The following OR52A1 variants were observed in gnomAD, a reference collection of about 807,000 sequenced individuals.
The protein encoded by OR52A1 is olfactory receptor 52A1.
OR52A1 carries 14 observed loss-of-function variants against 14.3 expected under a neutral mutation model. That is an observed-to-expected ratio of 0.98 (90% CI 0.65 to 1.54). The LOEUF (loss-of-function observed/expected upper bound fraction) is 1.54. OR52A1 is among the 40% of genes most tolerant of loss of function. The probability of loss-of-function intolerance (pLI) is 0.00; values close to 1 mark genes in which losing one functional copy is unlikely to be tolerated. For synonymous variants in OR52A1, 151 were observed against 135.3 expected, an observed-to-expected ratio of 1.12 and a Z score of -0.80; for missense variants, 405 against 381.3, an observed-to-expected ratio of 1.06 and a Z score of -0.52.
In OR52A1 at chr11:5,151,477, T is replaced by C; in HGVS notation, c.893A>G (p.Lys298Arg). ...PFLNPLVYGA[K>R]TTQIRIHVVK... is the part of the protein sequence containing the mutation. ...CACATGAATGCGAATCTGTGTGGTC[T>C]TTGCACCATAGACAAGTGGATTGAG... Residue 298 changes from lysine (K) to arginine (R), a missense_variant, in exon 2 of 2, where the codon AAG (lysine) becomes AGG (arginine). Physicochemically the swap from Lys to Arg is conservative, Grantham distance 26 (BLOSUM62 2). Coordinates refer to ENST00000380367, the MANE Select transcript of OR52A1 (RefSeq NM_012375.3). The C allele has an allele frequency of 6.2e-7, 1 of 1,613,938 alleles. No homozygotes were observed. The highest frequency in any genetic ancestry group is 1.7e-5 in the Admixed American group (1 of 60,016).
At position 5,153,016 on chromosome 11, in the gene OR52A1, G is replaced by A. The variant is rs912955371; in HGVS notation, c.-321-326C>T. Among the ~76,000 whole-genome samples the A allele has an allele frequency of 1.1e-4, 16 of 152,026 alleles. 1 individual carries two copies. Among genetic ancestry groups the A allele is most frequent in the African/African-American group, 3.9e-4 (16 of 41,394 alleles). On this transcript the variant is annotated intron_variant, in intron 1 of 1. Coordinates refer to ENST00000380367, the MANE Select transcript of OR52A1 (RefSeq NM_012375.3). Reference sequence around the variant, plus strand: ...TTGACAAATCTGAGCCAAAGCTCCTGGTTGCTTTTTATATTTCTTTAAAGT... The same window carrying A: ...TTGACAAATCTGAGCCAAAGCTCCTAGTTGCTTTTTATATTTCTTTAAAGT...
Position 5,151,789 on chromosome 11 carries a change from T to A in OR52A1, c.581A>T (p.Asn194Ile). The change falls in exon 2 of 2, where the codon AAT (asparagine) becomes ATT (isoleucine). Residue 194 changes from asparagine (N) to isoleucine (I), a missense_variant. By Grantham distance (149) the Asn-to-Ile change is moderately radical. Coordinates refer to ENST00000380367, the MANE Select transcript of OR52A1 (RefSeq NM_012375.3). ...HMAIVKLAAANVQVNKIYGLF... is the reference protein window; with the variant it reads ...HMAIVKLAAAIVQVNKIYGLF... ...ACCATAGATTTTGTTGACTTGAACATTTGCTGCTGCTAGTTTCACAATGGC... is the reference window on the plus strand; with the variant it reads ...ACCATAGATTTTGTTGACTTGAACAATTGCTGCTGCTAGTTTCACAATGGC... 6.2e-7 allele frequency: 1 copy of A among 1,614,156 alleles called. No individual in the cohort carries two copies. Among genetic ancestry groups the A allele is most frequent in the Non-Finnish European group, 8.5e-7 (1 of 1,180,010 alleles).
rs1846528676 is a variant in OR52A1 at position 5,150,528 on chromosome 11, TA to T, written c.*902del. 6.6e-6 allele frequency: 1 copy of T among 152,094 alleles called. No homozygotes were observed. 9.4% of individuals were successfully genotyped at this position (152,094 alleles called of 1,614,324 possible). On this transcript the variant is annotated 3_prime_UTR_variant, in exon 2 of 2. Transcript: ENST00000380367. ...TCCATCATTCCTCAAGAATCAGAGGTAACTACCTAACCAAAAAACAAAATAC... is the reference window on the plus strand; with the variant it reads ...TCCATCATTCCTCAAGAATCAGAGGTACTACCTAACCAAAAAACAAAATAC...
rs1012098399 is a variant in OR52A1, at chr11:5,147,110, C to T, written c.*4321G>A. 2.0e-5 allele frequency: 3 copies of T among 152,216 alleles called. No individual in the cohort carries two copies. Among genetic ancestry groups the T allele is most frequent in the African/African-American group, 7.2e-5 (3 of 41,456 alleles). 9.4% of individuals were successfully genotyped at this position (152,216 alleles called of 1,614,324 possible). On this transcript the variant is annotated 3_prime_UTR_variant, in exon 2 of 2. Transcript: ENST00000380367. ...AAGGAGAATTGATATCTTTACAACACTGAGATCAGCACATCAATGGTTGAA... is the reference window on the plus strand; with the variant it reads ...AAGGAGAATTGATATCTTTACAACATTGAGATCAGCACATCAATGGTTGAA...
Position 5,148,062 on chromosome 11 carries a change from A to G in OR52A1, c.*3369T>C, listed in dbSNP as rs993710188. The stretch of plus-strand genomic sequence containing the variant: ...GAGGGTAATATTGATGTATTCTCAC[A>G]TTGAAATGGAGACCGCTTAGGAATA... On this transcript the variant is annotated 3_prime_UTR_variant, in exon 2 of 2. Coordinates refer to ENST00000380367, the MANE Select transcript of OR52A1 (RefSeq NM_012375.3). 6.6e-6 allele frequency: 1 copy of G among 152,172 alleles called. No homozygotes were observed. Among genetic ancestry groups the G allele is most frequent in the Non-Finnish European group, 1.5e-5 (1 of 68,032 alleles). The allele number at this position is 152,172 out of a possible 1,614,324, so 9.4% of individuals were successfully genotyped here.
rs930681550 is a variant in OR52A1 at position 5,147,450 on chromosome 11, A to T, written c.*3981T>A. 2.6e-5 allele frequency: 4 copies of T among 152,178 alleles called. No individual in the cohort carries two copies. Among genetic ancestry groups the T allele is most frequent in the African/African-American group, 9.7e-5 (4 of 41,432 alleles). The allele number at this position is 152,178 out of a possible 1,614,324, so 9.4% of individuals were successfully genotyped here. ...GTTGAAGGCCTGGATAGAACAAAAG[A>T]CTGACTTGCCCCAATCAAGAGAGAA... On this transcript the variant is annotated 3_prime_UTR_variant, in exon 2 of 2. Coordinates refer to ENST00000380367, the MANE Select transcript of OR52A1 (RefSeq NM_012375.3).
In OR52A1 at chr11:5,151,277, C is replaced by A; in HGVS notation, c.*154G>T. On this transcript the variant is annotated 3_prime_UTR_variant, in exon 2 of 2. Coordinates refer to ENST00000380367, the MANE Select transcript of OR52A1 (RefSeq NM_012375.3). Reference sequence around the variant, plus strand: ...CATTAGTCACGTAGAATTCACAATCCCACTGATTGATATGAGCCATGATGA... The same window carrying A: ...CATTAGTCACGTAGAATTCACAATCACACTGATTGATATGAGCCATGATGA... 3.1e-6 allele frequency: 2 copies of A among 635,536 alleles called. No homozygotes were observed. Among genetic ancestry groups the A allele is most frequent in the Admixed American group, 2.8e-5 (1 of 36,138 alleles). 39.4% of individuals were successfully genotyped at this position (635,536 alleles called of 1,614,324 possible). A position where few individuals can be genotyped will look rare whatever the true frequency, so the allele number is the denominator to read the frequency against.
chr11:5,151,175 C>A lies in OR52A1; in HGVS notation c.*256G>T, dbSNP rs1052461770. 4 of 295,312 alleles carry A rather than the reference C, an allele frequency of 1.4e-5. No homozygotes were observed. The highest frequency in any genetic ancestry group is 6.6e-5 in the African/African-American group (3 of 45,626). 18.3% of individuals were successfully genotyped at this position (295,312 alleles called of 1,614,324 possible). On this transcript the variant is annotated 3_prime_UTR_variant, in exon 2 of 2. Coordinates refer to ENST00000380367, the MANE Select transcript of OR52A1 (RefSeq NM_012375.3). ...TGGAGAAATATTCTTAGAAGAATAA[C>A]TCAACCAGGGGCTAAAGAATAAAAG...
rs1268432975 is a variant in OR52A1 at position 5,147,757 on chromosome 11, T to G, written c.*3674A>C. 6.6e-6 allele frequency: 1 copy of G among 152,120 alleles called. No individual in the cohort carries two copies. Among genetic ancestry groups the G allele is most frequent in the African/African-American group, 2.4e-5 (1 of 41,410 alleles). The allele number at this position is 152,120 out of a possible 1,614,324, so 9.4% of individuals were successfully genotyped here. Reference sequence around the variant, plus strand: ...TACAAATTCTGAGCAATTTTAGAAATTATAAATAGATGTGGTAGGACAAAA... The same window carrying G: ...TACAAATTCTGAGCAATTTTAGAAAGTATAAATAGATGTGGTAGGACAAAA... On this transcript the variant is annotated 3_prime_UTR_variant, in exon 2 of 2. Transcript: ENST00000380367.
chr11:5,151,971 T>C lies in OR52A1; in HGVS notation c.399A>G (p.Arg133=). Residue 133 remains arginine (R), a synonymous_variant, in exon 2 of 2, where the codon AGA becomes AGG. Coordinates refer to ENST00000380367, the MANE Select transcript of OR52A1 (RefSeq NM_012375.3). ...DRYVAICYPL[R]HANIFTHQLV... is the part of the protein sequence containing the mutation. Reference sequence around the variant, plus strand: ...GCTGGTGGGTGAAGATGTTGGCATGTCTTAGTGGATAACAGATGGCCACAT... The same window carrying C: ...GCTGGTGGGTGAAGATGTTGGCATGCCTTAGTGGATAACAGATGGCCACAT... The C allele has an allele frequency of 6.2e-7, 1 of 1,614,056 alleles. No individual in the cohort carries two copies. Among genetic ancestry groups the C allele is most frequent in the Non-Finnish European group, 8.5e-7 (1 of 1,180,004 alleles).
chr11:5,151,910 C>A lies in OR52A1; in HGVS notation c.460G>T (p.Ala154Ser). 1 of 1,614,060 alleles carries A rather than the reference C, an allele frequency of 6.2e-7. No individual in the cohort carries two copies. Among genetic ancestry groups the A allele is most frequent in the Non-Finnish European group, 8.5e-7 (1 of 1,180,006 alleles). Residue 154 changes from alanine (A) to serine (S), a missense_variant, in exon 2 of 2, where the codon GCT becomes TCT. Physicochemically the swap from Ala to Ser is moderately conservative, Grantham distance 99. Transcript: ENST00000380367. ...IQIGTMVVLR[A>S]AILVAPCLVL... ...AGGCATGGGGCTACAAGAATAGCAG[C>A]CCTGAGTACGACCATAGTTCCTATC...
In OR52A1 at chr11:5,149,872, G is replaced by C. The variant is rs1846521770; in HGVS notation, c.*1559C>G. 6.6e-6 allele frequency: 1 copy of C among 152,108 alleles called. No individual in the cohort carries two copies. Among genetic ancestry groups the C allele is most frequent in the Admixed American group, 6.5e-5 (1 of 15,278 alleles). 9.4% of individuals were successfully genotyped at this position (152,108 alleles called of 1,614,324 possible). On this transcript the variant is annotated 3_prime_UTR_variant, in exon 2 of 2. Transcript: ENST00000380367. ...GAAACAGTCTCAAAAGATCCCTTAA[G>C]ATAGCCTCTATAATCATTCTCAACA...
rs1217295294 is a variant in OR52A1 at position 5,152,597 on chromosome 11, T to C, written c.-228A>G. 2.0e-6 allele frequency: 1 copy of C among 494,842 alleles called. No individual in the cohort carries two copies. The highest frequency in any genetic ancestry group is 1.9e-5 in the African/African-American group (1 of 52,240). The allele number at this position is 494,842 out of a possible 1,614,324, so 30.7% of individuals were successfully genotyped here. Reference sequence around the variant, plus strand: ...TCACAGGCACTGTGCCATAATAGGATGTTATGTGCATGGCAATCCAAATAC... The same window carrying C: ...TCACAGGCACTGTGCCATAATAGGACGTTATGTGCATGGCAATCCAAATAC... On this transcript the variant is annotated 5_prime_UTR_variant, in exon 2 of 2. Coordinates refer to ENST00000380367, the MANE Select transcript of OR52A1 (RefSeq NM_012375.3).
chr11:5,151,244 C>G lies in OR52A1; in HGVS notation c.*187G>C, dbSNP rs1226524711. 7.2e-6 allele frequency: 4 copies of G among 558,290 alleles called. No homozygotes were observed. The highest frequency in any genetic ancestry group is 1.3e-5 in the Non-Finnish European group (4 of 317,316). 34.6% of individuals were successfully genotyped at this position (558,290 alleles called of 1,614,324 possible). On this transcript the variant is annotated 3_prime_UTR_variant, in exon 2 of 2. Coordinates refer to ENST00000380367, the MANE Select transcript of OR52A1 (RefSeq NM_012375.3). ...TCACTACTTCACTCATTTCACACTT[C>G]TCACTTTCATTAGTCACGTAGAATT...
In OR52A1 at chr11:5,151,674, G is replaced by A. The variant is rs1347504323; in HGVS notation, c.696C>T (p.Pro232=). Reference sequence around the variant, plus strand: ...ATGCTTTAAACCTAGCCTCCTTCTGGGGCAAACGAAAAACTGTGATAAATA... The same window carrying A: ...ATGCTTTAAACCTAGCCTCCTTCTGAGGCAAACGAAAAACTGTGATAAATA... The part of the protein sequence containing the change: ...IQIFITVFRL[P]QKEARFKAFN... Residue 232 remains proline, a synonymous_variant, in exon 2 of 2, where the codon CCC becomes CCT. Coordinates refer to ENST00000380367, the MANE Select transcript of OR52A1 (RefSeq NM_012375.3). 4 of 1,614,052 alleles carry A rather than the reference G, an allele frequency of 2.5e-6. No individual in the cohort carries two copies. Among genetic ancestry groups the A allele is most frequent in the African/African-American group, 2.7e-5 (2 of 75,026 alleles).
intron 1 of OR52A1, among the ~76,000 whole-genome samples, chr11:5,153,653 G>C (rs1458408117): frequency 2.0e-5 from 3 of 152,090 alleles, no homozygotes; most frequent in East Asian, 3.8e-4. Flanking sequence ...CTATACATTA[G>C]AGAAATGTTT....
In OR52A1 at chr11:5,151,458, A is replaced by G. The variant is rs962723754; in HGVS notation, c.912T>C (p.Ile304=). The change falls in exon 2 of 2, where the codon ATT becomes ATC. Residue 304 remains isoleucine, a synonymous_variant. Transcript: ENST00000380367. ...VYGAKTTQIR[I]HVVKMFCS is the part of the protein sequence containing the mutation. ...ATGAACAGAACATTTTTACCACATG[A>G]ATGCGAATCTGTGTGGTCTTTGCAC... The G allele has an allele frequency of 4.3e-6, 7 of 1,610,496 alleles. No homozygotes were observed. The highest frequency in any genetic ancestry group is 5.9e-6 in the Non-Finnish European group (7 of 1,178,584).
In OR52A1 at chr11:5,151,450, A is replaced by G; in HGVS notation, c.920T>C (p.Val307Ala). 6.2e-7 allele frequency: 1 copy of G among 1,608,650 alleles called. No individual in the cohort carries two copies. The highest frequency in any genetic ancestry group is 8.5e-7 in the Non-Finnish European group (1 of 1,177,386). ...TGGATTTTATGAACAGAACATTTTT[A>G]CCACATGAATGCGAATCTGTGTGGT... ...AKTTQIRIHV[V>A]KMFCS Residue 307 changes from valine to alanine, a missense_variant, in exon 2 of 2, where the codon GTA (valine) becomes GCA (alanine). By Grantham distance (64) the Val-to-Ala change is moderately conservative. Transcript: ENST00000380367.
In OR52A1 at chr11:5,151,570, A is replaced by G; in HGVS notation, c.800T>C (p.Phe267Ser). Residue 267 changes from phenylalanine to serine, a missense_variant, in exon 2 of 2, where the codon TTT becomes TCT. Coordinates refer to ENST00000380367, the MANE Select transcript of OR52A1 (RefSeq NM_012375.3). ...LAFFSFFTHR[F>S]GSHISPYIHI... The stretch of plus-strand genomic sequence containing the variant: ...GATATAAGGGGAGATGTGAGACCCA[A>G]ACCTATGTGTGAAGAAGGAGAAGAA... 2.5e-6 allele frequency: 4 copies of G among 1,614,134 alleles called. No homozygotes were observed. Among genetic ancestry groups the G allele is most frequent in the Non-Finnish European group, 2.5e-6 (3 of 1,179,970 alleles).
Sources: allele counts gnomAD v4.1 joint callset (sites outside exome capture counted in the v4.1 genomes callset), GRCh38; gene constraint gnomAD v4.1.1; transcripts MANE v1.5; gene names NCBI Gene and HGNC (gene_info 2026-07-23, HGNC 2026-07-21).